BGN: variants seen among roughly 807,000 people sequenced by gnomAD.
BGN encodes bone/cartilage proteoglycan-I.
Under a neutral mutation model 20.0 loss-of-function variants are expected in BGN, and 6 were observed. That is an observed-to-expected ratio of 0.30 (90% CI 0.16 to 0.59). The LOEUF is 0.59. BGN is among the 20% of genes least tolerant of loss of function. The probability of loss-of-function intolerance (pLI) is 0.88; values close to 1 mark genes in which losing one functional copy is unlikely to be tolerated. For missense variants in BGN, 292 were observed against 312.1 expected (o/e 0.94, Z 0.49); for synonymous variants, 146 against 134.6 (o/e 1.08, Z -0.59).
chrX:153,501,436 C>T (rs997604076), intron 1 of BGN, among the ~76,000 whole-genome samples: 3 of 112,727 alleles, frequency 2.7e-5, no homozygotes, highest in Admixed American at 9.3e-5. Flanking sequence ...GGCCTGGAGG[C>T]GCCAAAGCTG....
intron 3 of BGN, 91 bp from the exon 4 acceptor site, chrX:153,505,772 C>A: frequency 1.3e-6 from 1 of 775,089 alleles, no homozygotes; most frequent in Non-Finnish European, 1.8e-6. Flanking sequence ...CCTCGAGGCC[C>A]AGTGGGCTGG....
At chrX:153,495,456 G>C (rs1407897680) in intron 1 of BGN, 1 of 112,287 alleles carries the variant, frequency 8.9e-6, no homozygotes, top group African/African-American at 3.2e-5. Flanking sequence ...AGCGTGGCTG[G>C]GTGACTGGTA....
chrX:153,505,287 C>A lies in BGN; in HGVS notation c.288C>A (p.Asp96Glu). ...TCTCCCCTGACACCACGCTGCTGGACCTGCAGAACAACGACATCTCCGAGC... is the reference window on the plus strand; with the variant it reads ...TCTCCCCTGACACCACGCTGCTGGAACTGCAGAACAACGACATCTCCGAGC... ...KEISPDTTLL[D>E]LQNNDISELR... The change falls in exon 3 of 8, where the codon GAC (aspartate) becomes GAA (glutamate). Residue 96 changes from aspartate to glutamate, a missense_variant. By Grantham distance (45) the Asp-to-Glu change is conservative (BLOSUM62 2). Coordinates refer to ENST00000331595, the MANE Select transcript of BGN (RefSeq NM_001711.6). 1 of 1,210,836 alleles carries A rather than the reference C, an allele frequency of 8.3e-7. No individual in the cohort carries two copies. The highest frequency in any genetic ancestry group is 1.8e-5 in the South Asian group (1 of 56,966).
intron 1 of BGN, among the ~76,000 whole-genome samples, chrX:153,504,410 G>A (rs2089783244): frequency 8.9e-6 from 1 of 111,862 alleles, no homozygotes; most frequent in African/African-American, 3.2e-5. Context: ...GAGTGGAGTG[G>A]AGGGGGCACC....
intron 5 of BGN, 78 bp downstream of exon 5, chrX:153,506,717 G>A (rs1274753189): frequency 8.8e-7 from 1 of 1,141,602 alleles, no homozygotes; most frequent in East Asian, 3.0e-5. Context: ...GGCTCTGGAT[G>A]GGCCCGATCT....
At chrX:153,507,657 C>T (rs1441868281) in intron 7 of BGN, among the ~76,000 whole-genome samples, 2 of 113,392 alleles carry the variant, frequency 1.8e-5, no homozygotes, top group Admixed American at 9.2e-5. Context: ...CACCCCCATC[C>T]GCACCAGCTG....
rs928285626 is a variant in BGN, at chrX:153,508,638, C to T, written c.*193C>T. Reference sequence around the variant, plus strand: ...CCTGGCTCCCAAGGGTGCAGGTGGGCGCAAGGCCCGGCCCCCATCACATGT... The same window carrying T: ...CCTGGCTCCCAAGGGTGCAGGTGGGTGCAAGGCCCGGCCCCCATCACATGT... On this transcript the variant is annotated 3_prime_UTR_variant, in exon 8 of 8. Transcript: ENST00000331595. The T allele has an allele frequency of 1.6e-5, 8 of 501,234 alleles. No individual in the cohort carries two copies. Among genetic ancestry groups the T allele is most frequent in the African/African-American group, 7.2e-5 (3 of 41,664 alleles). 41.3% of individuals were successfully genotyped at this position (501,234 alleles called of 1,213,427 possible). A position where few individuals can be genotyped will look rare whatever the true frequency, so the allele number is the denominator to read the frequency against.
At chrX:153,496,440 T>C (rs782751693) in intron 1 of BGN, among the ~76,000 whole-genome samples, 2 of 112,884 alleles carry the variant, frequency 1.8e-5, no homozygotes, top group Non-Finnish European at 3.8e-5. Context: ...AGCATGCCCA[T>C]GTATGGCCAC....
intron 1 of BGN, among the ~76,000 whole-genome samples, chrX:153,503,117 G>A (rs1196349709): frequency 1.8e-5 from 2 of 112,882 alleles, no homozygotes; most frequent in African/African-American, 6.4e-5. Context: ...CAGGCCCCCG[G>A]CCCGCTGGTA....
chrX:153,498,936 A>G (rs1184089657), intron 1 of BGN, among the ~76,000 whole-genome samples: 3 of 111,750 alleles, frequency 2.7e-5, no homozygotes, highest in East Asian at 5.7e-4. Flanking sequence ...GAGAGTGTGA[A>G]GCGTGTCAGC....
At chrX:153,497,979 A>G (rs1469557458) in intron 1 of BGN, among the ~76,000 whole-genome samples, 1 of 112,409 alleles carries the variant, frequency 8.9e-6, no homozygotes, top group Non-Finnish European at 1.9e-5. Flanking sequence ...CGAGGACTGC[A>G]GAACCCTCCC....
intron 4 of BGN, among the ~76,000 whole-genome samples, chrX:153,506,287 G>A (rs1556993130): frequency 8.9e-6 from 1 of 112,520 alleles, no homozygotes; most frequent in African/African-American, 3.2e-5. Context: ...GCTTCCGGGA[G>A]CCCCATCTTC....
intron 1 of BGN, 68 bp from the exon 2 acceptor site, chrX:153,504,553 C>G: frequency 1.1e-6 from 1 of 938,141 alleles, no homozygotes; most frequent in Non-Finnish European, 1.5e-6. Context: ...ACACGCGGAA[C>G]ACCAGCCCCT....
intron 2 of BGN, 152 bp from the exon 3 acceptor site, chrX:153,505,086 G>T: frequency 1.8e-6 from 1 of 562,331 alleles, no homozygotes. Context: ...GTGTGTCCCC[G>T]GTCCTCCCTA....
chrX:153,497,241 C>A (rs1238736325), intron 1 of BGN, among the ~76,000 whole-genome samples: 2 of 107,451 alleles, frequency 1.9e-5, no homozygotes, highest in African/African-American at 6.9e-5. Flanking sequence ...ACCGAGCCCC[C>A]GACAGGCCTG....
intron 1 of BGN, among the ~76,000 whole-genome samples, chrX:153,498,270 C>G (rs1280021805): frequency 8.9e-6 from 1 of 112,956 alleles, no homozygotes; most frequent in Non-Finnish European, 1.9e-5. Flanking sequence ...TGCTGGCCAT[C>G]CCAGTCCTGT....
chrX:153,501,944 C>T (rs2089763612), intron 1 of BGN, among the ~76,000 whole-genome samples: 1 of 112,219 alleles, frequency 8.9e-6, no homozygotes, highest in Admixed American at 9.3e-5. Flanking sequence ...GCCCTCGTTG[C>T]CCCACAGCTG....
In BGN at chrX:153,506,854, T is replaced by C; in HGVS notation, c.701T>C (p.Leu234Pro). ...GACCTCCCTGAGACCCTGAATGAAC[T>C]CCACCTAGACCACAACAAAATCCAG... Reference protein sequence around the residue: ...PKDLPETLNELHLDHNKIQAI... With the variant: ...PKDLPETLNEPHLDHNKIQAI... The change falls in exon 6 of 8, where the codon CTC becomes CCC. Residue 234 changes from leucine (L) to proline (P), a missense_variant. By Grantham distance (98) the Leu-to-Pro change is moderately conservative. Transcript: ENST00000331595. The C allele has an allele frequency of 8.3e-7, 1 of 1,211,223 alleles. No homozygotes were observed. The highest frequency in any genetic ancestry group is 1.1e-6 in the Non-Finnish European group (1 of 895,259).
intron 1 of BGN, among the ~76,000 whole-genome samples, chrX:153,502,485 A>C (rs1602978625): frequency 9.0e-6 from 1 of 111,711 alleles, no homozygotes; most frequent in Admixed American, 9.3e-5. Context: ...CCGGGTGTCC[A>C]CTGGCACTGG....
Sources: gnomAD v4.1 joint callset for allele counts (sites outside exome capture counted in the v4.1 genomes callset) on GRCh38, gnomAD v4.1.1 for gene constraint, MANE v1.5 for transcripts, NCBI Gene and HGNC (gene_info 2026-07-23, HGNC 2026-07-21) for gene names.